The following SMYD3 variants were observed in gnomAD, a reference collection of about 807,000 sequenced individuals.
The protein encoded by SMYD3 is histone-lysine N-methyltransferase SMYD3.
Under a neutral mutation model 57.7 loss-of-function variants are expected in SMYD3, and 36 were observed. The ratio of observed to expected loss-of-function variants is 0.62; its 90% CI spans 0.48 to 0.82. The LOEUF is 0.82. SMYD3 is among the 40% of genes least tolerant of loss of function. The pLI is 0.00. For synonymous variants in SMYD3, 211 were observed against 195.0 expected (o/e 1.08, Z -0.68); for missense variants, 515 against 538.8 (o/e 0.96, Z 0.44).
intron 2 of SMYD3, among the ~76,000 whole-genome samples, chr1:246,353,545 C>T (rs954565173): frequency 1.3e-5 from 2 of 151,908 alleles, no homozygotes; most frequent in Admixed American, 6.6e-5. Flanking sequence ...AACCCAAAAG[C>T]CAAGAAACAA....
chr1:245,935,577 C>T (rs1198496075), intron 5 of SMYD3, among the ~76,000 whole-genome samples: 3 of 152,200 alleles, frequency 2.0e-5, no homozygotes, highest in Non-Finnish European at 2.9e-5. Context: ...GATATCCGTG[C>T]TCCCACTCTC....
intron 5 of SMYD3, among the ~76,000 whole-genome samples, chr1:245,995,740 C>T (rs1345364989): frequency 2.0e-5 from 3 of 152,158 alleles, no homozygotes; most frequent in Non-Finnish European, 4.4e-5. Flanking sequence ...GGGCTGCCAC[C>T]CAGAAGCACA....
At chr1:246,002,216 G>T (rs972908550) in intron 5 of SMYD3, among the ~76,000 whole-genome samples, 1 of 150,648 alleles carries the variant, frequency 6.6e-6, no homozygotes, top group Non-Finnish European at 1.5e-5. Context: ...ATGGAGTCTC[G>T]CTCCGTCACC....
intron 5 of SMYD3, among the ~76,000 whole-genome samples, chr1:246,173,510 T>C (rs781384946): frequency 2.6e-4 from 39 of 152,372 alleles, no homozygotes; most frequent in Non-Finnish European, 5.0e-4. Context: ...TAACACATTG[T>C]TCAGCTGTAT....
chr1:246,434,828 CAA>C (rs2067347021), intron 1 of SMYD3, among the ~76,000 whole-genome samples: 1 of 152,058 alleles, frequency 6.6e-6, no homozygotes, highest in South Asian at 2.1e-4. Context: ...ATTGTTCTAC[CAA>C]AGAGACACAT....
At chr1:246,200,516 G>C (rs375474417) in intron 5 of SMYD3, among the ~76,000 whole-genome samples, 1 of 151,144 alleles carries the variant, frequency 6.6e-6, no homozygotes, top group Non-Finnish European at 1.5e-5. Context: ...TAGTGTAGAC[G>C]CTGAGAAAGA....
At chr1:245,928,143 G>T in intron 6 of SMYD3, 110 bp from the exon 7 acceptor site, 1 of 759,146 alleles carries the variant, frequency 1.3e-6, no homozygotes, top group Non-Finnish European at 2.1e-6. Flanking sequence ...GCAGCAGGTA[G>T]GGTTGACAGG....
At chr1:246,167,159 A>G (rs2062229797) in intron 5 of SMYD3, among the ~76,000 whole-genome samples, 1 of 152,230 alleles carries the variant, frequency 6.6e-6, no homozygotes, top group Non-Finnish European at 1.5e-5. Flanking sequence ...GTATGGATAG[A>G]TCACAATTGG....
chr1:245,945,966 T>C (rs2057415803), intron 5 of SMYD3, among the ~76,000 whole-genome samples: 1 of 152,014 alleles, frequency 6.6e-6, no homozygotes, highest in African/African-American at 2.4e-5. Flanking sequence ...TGTCCGGGGA[T>C]TGAGGGGCGG....
At chr1:245,988,046 C>T (rs878983311) in intron 5 of SMYD3, among the ~76,000 whole-genome samples, 9 of 152,048 alleles carry the variant, frequency 5.9e-5, no homozygotes, top group Admixed American at 3.9e-4. Flanking sequence ...CTAGAATAAA[C>T]GCAGAGGAAT....
chr1:245,925,858 ACTT>A (rs1177965418), intron 7 of SMYD3, among the ~76,000 whole-genome samples: 1 of 152,266 alleles, frequency 6.6e-6, no homozygotes, highest in African/African-American at 2.4e-5. Context: ...AAGGAAAAGA[ACTT>A]CTTCTAATAT....
intron 5 of SMYD3, among the ~76,000 whole-genome samples, chr1:245,936,751 T>G (rs2147875800): frequency 1.5e-5 from 1 of 65,154 alleles, no homozygotes; most frequent in East Asian, 4.7e-4. Context: ...AAAAATTAGC[T>G]GGGCATGATG....
intron 1 of SMYD3, among the ~76,000 whole-genome samples, chr1:246,434,211 C>G (rs2067337451): frequency 6.6e-6 from 1 of 152,210 alleles, no homozygotes; most frequent in African/African-American, 2.4e-5. Flanking sequence ...AAACACCATT[C>G]TGGACATCAG....
chr1:245,823,648 T>A (rs2049305990), intron 10 of SMYD3, among the ~76,000 whole-genome samples: 1 of 152,220 alleles, frequency 6.6e-6, no homozygotes. Context: ...CTCTCTCATC[T>A]GTTTTTCCCA....
Position 246,072,064 on chromosome 1 carries a change from G to C in SMYD3, c.532-142127C>G, listed in dbSNP as rs58309405. 2.3e-3 allele frequency among the ~76,000 whole-genome samples: 56 copies of C among 23,864 alleles called. 3 individuals carry two copies. The highest frequency in any genetic ancestry group is 9.3e-3 in the African/African-American group (21 of 2,252). The allele number at this position is 23,864 out of a possible 152,430, so 15.7% of individuals were successfully genotyped here. A position where few individuals can be genotyped will look rare whatever the true frequency, so the allele number is the denominator to read the frequency against. On this transcript the variant is annotated intron_variant, in intron 5 of 11. Transcript: ENST00000490107. ...CCGCTGTGCTCACTGTGGATGCATC[G>C]TGTAGTTCTGGGGAGGGATTCGTGT...
At chr1:246,178,408 A>C (rs2062470564) in intron 5 of SMYD3, among the ~76,000 whole-genome samples, 1 of 152,250 alleles carries the variant, frequency 6.6e-6, no homozygotes, top group Non-Finnish European at 1.5e-5. Context: ...CTAGACCGGG[A>C]GTCATTTACA....
At chr1:246,206,400 A>T (rs2063000292) in intron 5 of SMYD3, among the ~76,000 whole-genome samples, 1 of 152,132 alleles carries the variant, frequency 6.6e-6, no homozygotes, top group African/African-American at 2.4e-5. Flanking sequence ...ATGGGTAAAG[A>T]AACTTGTAAT....
intron 5 of SMYD3, among the ~76,000 whole-genome samples, chr1:246,049,587 G>A (rs2060032568): frequency 6.6e-6 from 1 of 151,904 alleles, no homozygotes; most frequent in Admixed American, 6.6e-5. Flanking sequence ...TTACAGGCGT[G>A]AGCCACCGCG....
At chr1:246,468,081 A>G (rs2067905062) in intron 1 of SMYD3, among the ~76,000 whole-genome samples, 1 of 151,686 alleles carries the variant, frequency 6.6e-6, no homozygotes, top group African/African-American at 2.4e-5. Context: ...GGATCACTTA[A>G]GCCCAGGAGG....
Sources: allele counts gnomAD v4.1 joint callset (sites outside exome capture counted in the v4.1 genomes callset), GRCh38; gene constraint gnomAD v4.1.1; transcripts MANE v1.5; gene names NCBI Gene and HGNC (gene_info 2026-07-23, HGNC 2026-07-21).